ADGRD1: variants seen among roughly 807,000 people sequenced by gnomAD.
ADGRD1 encodes G-protein coupled receptor 133.
ADGRD1 carries 77 observed loss-of-function variants against 113.4 expected under a neutral mutation model. The observed-to-expected ratio is 0.68, with a 90% CI of 0.57 to 0.82. The LOEUF (loss-of-function observed/expected upper bound fraction) is 0.82, where lower values mean the gene tolerates loss of function less well. Ranked by LOEUF, ADGRD1 falls within the 40% of genes least tolerant of loss-of-function variation. The probability of loss-of-function intolerance (pLI) is 0.00; values close to 1 mark genes in which losing one functional copy is unlikely to be tolerated. For synonymous variants in ADGRD1, 474 were observed against 475.0 expected (o/e 1.00, Z 0.03); for missense variants, 1,036 against 1,139.1 (o/e 0.91, Z 1.30).
At chr12:131,080,530 T>C (rs2137188252) in intron 14 of ADGRD1, among the ~76,000 whole-genome samples, 1 of 152,342 alleles carries the variant, frequency 6.6e-6, no homozygotes, top group East Asian at 1.9e-4. Flanking sequence ...CTACTACTTT[T>C]CTGTCAACTT....
intron 5 of ADGRD1, among the ~76,000 whole-genome samples, chr12:130,986,618 A>G (rs1033930009): frequency 1.1e-4 from 16 of 151,344 alleles, no homozygotes; most frequent in South Asian, 2.1e-4. Flanking sequence ...ATCCTTCCCA[A>G]TATTTATATT....
chr12:131,139,071 C>A, intron 24 of ADGRD1, 97 bp from the exon 25 acceptor site: 1 of 860,058 alleles, frequency 1.2e-6, no homozygotes, highest in Non-Finnish European at 1.9e-6. Flanking sequence ...GGAGAATCCT[C>A]GGGCAGCTAT....
chr12:131,005,778 C>T (rs1446727214), intron 11 of ADGRD1, among the ~76,000 whole-genome samples, 194 bp from the exon 12 acceptor site: 1 of 151,016 alleles, frequency 6.6e-6, no homozygotes, highest in Non-Finnish European at 1.5e-5. Context: ...GAGCAGGGAT[C>T]CACCGTCACG....
intron 8 of ADGRD1, among the ~76,000 whole-genome samples, chr12:130,998,048 A>G (rs930013533): frequency 6.6e-6 from 1 of 152,168 alleles, no homozygotes; most frequent in Non-Finnish European, 1.5e-5. Flanking sequence ...CCAAAAAAAA[A>G]CGAAAACCAG....
intron 15 of ADGRD1, among the ~76,000 whole-genome samples, chr12:131,098,093 C>T (rs77860971): frequency 0.26 from 38,934 of 151,444 alleles, 5,984 homozygotes; most frequent in South Asian, 0.46. Context: ...GCTGGTGGCC[C>T]GGCCTGGCTC....
Position 131,003,616 on chromosome 12 carries a change from G to A in ADGRD1, c.1144+314G>A, listed in dbSNP as rs184760536. ...TGCAAGAGTCTGTGGAATAAAAGGGGTGGCCTCGGGTTTCTGGCGTCAGCT... is the reference window on the plus strand; with the variant it reads ...TGCAAGAGTCTGTGGAATAAAAGGGATGGCCTCGGGTTTCTGGCGTCAGCT... On this transcript the variant is annotated intron_variant, in intron 10 of 24. Coordinates refer to ENST00000261654, the MANE Select transcript of ADGRD1 (RefSeq NM_198827.5). This position sits in a 1 kb window ranked among gnomAD's most constrained non-coding sequence, Gnocchi z 4.8. 2.6e-5 allele frequency among the ~76,000 whole-genome samples: 4 copies of A among 152,350 alleles called. No individual in the cohort carries two copies. The highest frequency in any genetic ancestry group is 2.0e-4 in the Admixed American group (3 of 15,304).
In ADGRD1 at chr12:131,050,923, T is replaced by C. The variant is rs1023263078; in HGVS notation, c.1474-25878T>C. Among the ~76,000 whole-genome samples, 2 of 152,190 alleles carry C rather than the reference T, an allele frequency of 1.3e-5. No individual in the cohort carries two copies. The highest frequency in any genetic ancestry group is 4.8e-5 in the African/African-American group (2 of 41,454). ...GATAGGAGGGGAGCTCAGGTGGGAA[T>C]GCCTGCTTGCCCACCGCTCTGTGTG... On this transcript the variant is annotated intron_variant, in intron 13 of 24. Coordinates refer to ENST00000261654, the MANE Select transcript of ADGRD1 (RefSeq NM_198827.5). This position sits in a 1 kb window ranked among gnomAD's most constrained non-coding sequence, Gnocchi z 4.8.
intron 15 of ADGRD1, among the ~76,000 whole-genome samples, chr12:131,092,269 C>T (rs1886960016): frequency 6.6e-6 from 1 of 152,172 alleles, no homozygotes; most frequent in Non-Finnish European, 1.5e-5. Context: ...TTGCTGAAGC[C>T]ACACACCCAA....
At chr12:131,091,437 A>G (rs1886901391) in intron 15 of ADGRD1, among the ~76,000 whole-genome samples, 1 of 152,226 alleles carries the variant, frequency 6.6e-6, no homozygotes, top group African/African-American at 2.4e-5. Context: ...CTAAAAGAGG[A>G]ATGATGAAGT....
rs1242068815 is a variant in ADGRD1, at chr12:131,057,215, C to G, written c.1474-19586C>G. ...TTTGAAGAACTGCACGGAACGCTGC[C>G]TGGCGAGCGCCTGCTGGTGTTTGAG... On this transcript the variant is annotated intron_variant, in intron 13 of 24. Coordinates refer to ENST00000261654, the MANE Select transcript of ADGRD1 (RefSeq NM_198827.5). This position sits in a 1 kb window ranked among gnomAD's most constrained non-coding sequence, Gnocchi z 4.2. 1.3e-5 allele frequency among the ~76,000 whole-genome samples: 2 copies of G among 152,214 alleles called. No homozygotes were observed. Among genetic ancestry groups the G allele is most frequent in the East Asian group, 3.9e-4 (2 of 5,188 alleles).
intron 13 of ADGRD1, among the ~76,000 whole-genome samples, chr12:131,046,948 A>G (rs1593116537): frequency 7.3e-6 from 1 of 137,360 alleles, no homozygotes; most frequent in African/African-American, 2.8e-5. Context: ...CTCCCTGGTC[A>G]GTGTCCTCCC....
intron 21 of ADGRD1, among the ~76,000 whole-genome samples, chr12:131,134,469 G>T (rs1218731381): frequency 6.6e-6 from 1 of 152,208 alleles, no homozygotes; most frequent in African/African-American, 2.4e-5. Context: ...GCACATTTTG[G>T]TACTTATTTC....
intron 13 of ADGRD1, among the ~76,000 whole-genome samples, chr12:131,028,871 A>G (rs1254244237): frequency 6.6e-6 from 1 of 152,136 alleles, no homozygotes; most frequent in Non-Finnish European, 1.5e-5. Flanking sequence ...TTGTTATTCC[A>G]GGCGGCCTCG....
chr12:130,958,209 T>C (rs531379183), intron 2 of ADGRD1, among the ~76,000 whole-genome samples: 3 of 127,470 alleles, frequency 2.4e-5, no homozygotes, highest in Non-Finnish European at 4.9e-5. Context: ...AATCCTTTCT[T>C]TTTTTTTTGA....
In ADGRD1 at chr12:130,992,369, C is replaced by G; in HGVS notation, c.943C>G (p.Gln315Glu). ...CTTACCCAGTAAGTCCCTCTCGGAG[C>G]AGACAGCCTTGAATCTCACCAAGGT... ...LSLPSKSLSE[Q>E]TALNLTKTFL... is the part of the protein sequence containing the mutation. Residue 315 changes from glutamine (Q) to glutamate (E), a missense_variant, in exon 8 of 25, where the codon CAG becomes GAG. Gln to Glu is a conservative substitution (Grantham distance 29). Coordinates refer to ENST00000261654, the MANE Select transcript of ADGRD1 (RefSeq NM_198827.5). 6.2e-7 allele frequency: 1 copy of G among 1,613,732 alleles called. No individual in the cohort carries two copies. Among genetic ancestry groups the G allele is most frequent in the Non-Finnish European group, 8.5e-7 (1 of 1,179,756 alleles).
chr12:131,018,625 G>A (rs937942375), intron 13 of ADGRD1, among the ~76,000 whole-genome samples: 5 of 152,300 alleles, frequency 3.3e-5, no homozygotes, highest in South Asian at 2.1e-4. Context: ...AGTTATGACC[G>A]GTGCAAAATA....
At chr12:130,996,833 G>C (rs1355989944) in intron 8 of ADGRD1, among the ~76,000 whole-genome samples, 1 of 117,884 alleles carries the variant, frequency 8.5e-6, no homozygotes, top group African/African-American at 3.3e-5. Context: ...CGGGCGGGGG[G>C]CTGACCCCCC....
chr12:131,080,713 C>A (rs1176316952), intron 14 of ADGRD1, among the ~76,000 whole-genome samples: 1 of 152,180 alleles, frequency 6.6e-6, no homozygotes, highest in Non-Finnish European at 1.5e-5. Flanking sequence ...CTCCGCCTCC[C>A]AGGTTCACGC....
In ADGRD1 at chr12:131,104,811, C is replaced by T. The variant is rs368110773; in HGVS notation, c.1672-20C>T. On this transcript the variant is annotated intron_variant, in intron 15 of 24. Coordinates refer to ENST00000261654, the MANE Select transcript of ADGRD1 (RefSeq NM_198827.5). ...GGGTGCCTGGGCCTGCTGCTGACGC[C>T]TCTGCTCTGCTCCCCGCAGCTTGCA... 5 of 1,534,368 alleles carry T rather than the reference C, an allele frequency of 3.3e-6. No individual in the cohort carries two copies. The highest frequency in any genetic ancestry group is 4.4e-6 in the Non-Finnish European group (5 of 1,139,022).
Sources: gnomAD v4.1 joint callset for allele counts (sites outside exome capture counted in the v4.1 genomes callset) on GRCh38, gnomAD v4.1.1 for gene constraint, Gnocchi (gnomAD v3.1) non-coding constraint, MANE v1.5 for transcripts, NCBI Gene and HGNC (gene_info 2026-07-23, HGNC 2026-07-21) for gene names.